Variants in STX7 observed in about 807,000 individuals in gnomAD.
The protein encoded by STX7 is syntaxin 7, also known as syntaxin-7.
STX7 carries 34 observed loss-of-function variants against 39.6 expected under a neutral mutation model. The observed-to-expected ratio is 0.86, with a 90% confidence interval of 0.65 to 1.14. The LOEUF (loss-of-function observed/expected upper bound fraction) is 1.14, where lower values mean the gene tolerates loss of function less well. Ranked by LOEUF, STX7 falls within the 50% of genes most tolerant of loss-of-function variation. The pLI, the probability that STX7 is intolerant of heterozygous loss-of-function variation, is 0.00. For missense variants in STX7, 284 were observed against 310.4 expected (o/e 0.92, Z 0.64); for synonymous variants, 119 against 99.1 (o/e 1.20, Z -1.19).
intron 9 of STX7, chr6:132,461,859 T>A: frequency 6.5e-7 from 1 of 1,540,970 alleles, no homozygotes; most frequent in East Asian, 2.5e-5. Flanking sequence ...GGAATCCTTT[T>A]TCTTACAAAG....
intron 2 of STX7, among the ~76,000 whole-genome samples, chr6:132,494,998 C>A (rs1300784582): frequency 6.6e-6 from 1 of 152,110 alleles, no homozygotes; most frequent in Non-Finnish European, 1.5e-5. Flanking sequence ...CCGGTAGAAC[C>A]ACTAAGATTT....
rs1423221256 is a variant in STX7 at position 132,454,044 on chromosome 6, T to C, written c.*6714A>G. The C allele has an allele frequency of 6.6e-6, 1 of 150,618 alleles. No homozygotes were observed. The highest frequency in any genetic ancestry group is 2.4e-5 in the African/African-American group (1 of 41,302). 9.3% of individuals were successfully genotyped at this position (150,618 alleles called of 1,614,324 possible). ...CCAATGTCTCTCAGCAGGTGAACAGTTAAACAAACTGTGGTACATCTATAC... is the reference window on the plus strand; with the variant it reads ...CCAATGTCTCTCAGCAGGTGAACAGCTAAACAAACTGTGGTACATCTATAC... On this transcript the variant is annotated 3_prime_UTR_variant, in exon 10 of 10. Transcript: ENST00000367941.
At chr6:132,513,238 GCAA>G (rs1444283454), upstream of STX7, 3 of 152,302 alleles carry the variant, frequency 2.0e-5, no homozygotes, top group Non-Finnish European at 4.4e-5. Context: ...GGGGGTATCA[GCAA>G]AATTGCAAGG....
intron 2 of STX7, among the ~76,000 whole-genome samples, chr6:132,482,410 T>G (rs1187274025): frequency 6.6e-6 from 1 of 152,110 alleles, no homozygotes. Context: ...AAATCAAATT[T>G]GGAAAAAATA....
At position 132,460,858 on chromosome 6, in the gene STX7, C is replaced by A. The variant is rs537974863; in HGVS notation, c.694-8G>T. On this transcript the variant is annotated splice_region_variant and splice_polypyrimidine_tract_variant and intron_variant, in intron 9 of 9. Coordinates refer to ENST00000367941, the MANE Select transcript of STX7 (RefSeq NM_003569.3). ...GGTTTTTCTGGATTTGCGCTGCAGACGCAAAAAACAAAACAAAACAAAAAA... is the reference window on the plus strand; with the variant it reads ...GGTTTTTCTGGATTTGCGCTGCAGAAGCAAAAAACAAAACAAAACAAAAAA... 1 of 1,608,704 alleles carries A rather than the reference C, an allele frequency of 6.2e-7. No homozygotes were observed. The highest frequency in any genetic ancestry group is 1.1e-5 in the South Asian group (1 of 90,232).
intron 2 of STX7, among the ~76,000 whole-genome samples, chr6:132,482,458 G>A (rs967854427): frequency 3.9e-5 from 6 of 152,184 alleles, no homozygotes; most frequent in Non-Finnish European, 7.4e-5. Flanking sequence ...TATAAACAAA[G>A]AAGTTGAGAA....
rs1448259200 is a variant in STX7, at chr6:132,450,517, C to T, written c.*10241G>A. 3 of 132,310 alleles carry T rather than the reference C, an allele frequency of 2.3e-5. No individual in the cohort carries two copies. The highest frequency in any genetic ancestry group is 5.3e-5 in the African/African-American group (2 of 37,388). 8.2% of individuals were successfully genotyped at this position (132,310 alleles called of 1,614,324 possible). On this transcript the variant is annotated 3_prime_UTR_variant, in exon 10 of 10. Coordinates refer to ENST00000367941, the MANE Select transcript of STX7 (RefSeq NM_003569.3). ...AGACCAACTTTTGTTTAAATTGATC[C>T]TCTCAAAAAAAAAAAAATTGATACT... is the stretch of plus-strand genomic sequence containing the variant.
chr6:132,499,432 T>C (rs1775496720), intron 2 of STX7, among the ~76,000 whole-genome samples: 1 of 152,170 alleles, frequency 6.6e-6, no homozygotes, highest in South Asian at 2.1e-4. Context: ...CTCTTTAAAA[T>C]GGAAAGAGTG....
intron 1 of STX7, among the ~76,000 whole-genome samples, chr6:132,508,235 T>C (rs1430208580): frequency 6.6e-6 from 1 of 151,954 alleles, no homozygotes; most frequent in Non-Finnish European, 1.5e-5. Flanking sequence ...CCATAAAGAG[T>C]TCCATCAAGT....
chr6:132,463,676 AGGTTTCTG>A (rs1774479221), intron 9 of STX7, among the ~76,000 whole-genome samples: 1 of 152,220 alleles, frequency 6.6e-6, no homozygotes, highest in Non-Finnish European at 1.5e-5. Context: ...TATCACAAAA[AGGTTTCTG>A]GGTAGAAATG....
At position 132,501,962 on chromosome 6, in the gene STX7, G is replaced by A. The variant is rs1157926996; in HGVS notation, c.85+1484C>T. ...GCCAGAGGAGCAAAGCAGAGCCAAC[G>A]CCGGTGGCCTGTGACAAACTGCAGC... On this transcript the variant is annotated intron_variant, in intron 2 of 9. Coordinates refer to ENST00000367941, the MANE Select transcript of STX7 (RefSeq NM_003569.3). 2.0e-5 allele frequency among the ~76,000 whole-genome samples: 3 copies of A among 152,046 alleles called. No homozygotes were observed. In the East Asian group the frequency reaches 5.8e-4, roughly 29 times the overall value.
At chr6:132,474,329 TA>T (rs1430873569) in intron 3 of STX7, among the ~76,000 whole-genome samples, 2 of 152,100 alleles carry the variant, frequency 1.3e-5, no homozygotes, top group Non-Finnish European at 1.5e-5. Context: ...ATGAATTATG[TA>T]CTTCTATTCC....
rs145654767 is a variant in STX7, at chr6:132,472,305, G to A, written c.226C>T (p.Leu76=). 648 of 1,613,278 alleles carry A rather than the reference G, an allele frequency of 4.0e-4. 10 individuals are homozygous for A. The East Asian group carries it at 0.014, about 35-fold the overall frequency. The change falls in exon 4 of 10, where the codon CTG becomes TTG. Residue 76 remains leucine, a synonymous_variant. Coordinates refer to ENST00000367941, the MANE Select transcript of STX7 (RefSeq NM_003569.3). ...ACCTGTTCACTGGGGGTGGTGGGCA[G>A]AGATCCAAACTCTTTAATGTACTTA... ...TDKYIKEFGS[L]PTTPSEQRQR...
intron 5 of STX7, 28 bp from the exon 6 acceptor site, chr6:132,470,654 GA>G: frequency 6.3e-7 from 1 of 1,577,140 alleles, no homozygotes; most frequent in Non-Finnish European, 8.7e-7. Context: ...AGGATGGAAT[GA>G]GAAGGGGCAA....
At chr6:132,502,207 G>A (rs1775581704) in intron 2 of STX7, among the ~76,000 whole-genome samples, 1 of 152,174 alleles carries the variant, frequency 6.6e-6, no homozygotes. Context: ...AATAATTCAG[G>A]TAGAGGAACA....
chr6:132,498,464 G>GTTTA (rs10638015), intron 2 of STX7, among the ~76,000 whole-genome samples: 132,768 of 151,790 alleles, frequency 0.87, 58,170 homozygotes, highest in Middle Eastern at 0.98. Flanking sequence ...TTTTATAAGT[G>GTTTA]TTTATTTCAT....
At chr6:132,466,440 T>C (rs1774567139) in intron 8 of STX7, among the ~76,000 whole-genome samples, 1 of 152,222 alleles carries the variant, frequency 6.6e-6, no homozygotes, top group African/African-American at 2.4e-5. Context: ...ATAAGCTTTG[T>C]GGGTTGTATG....
At chr6:132,513,379 C>T (rs3813356), upstream of STX7, among the ~76,000 whole-genome samples, 56,789 of 152,148 alleles carry the variant, frequency 0.37, 11,355 homozygotes, top group Middle Eastern at 0.48. Flanking sequence ...CGGGTCTTCA[C>T]CCCGCCCCAT....
intron 2 of STX7, among the ~76,000 whole-genome samples, chr6:132,488,883 T>G (rs1011980255): frequency 4.6e-5 from 7 of 152,074 alleles, no homozygotes; most frequent in Non-Finnish European, 1.0e-4. Flanking sequence ...TCTAGCTTTG[T>G]TAGAGGGTGG....
Sources: gnomAD v4.1 joint callset for allele counts (sites outside exome capture counted in the v4.1 genomes callset) on GRCh38, gnomAD v4.1.1 for gene constraint, MANE v1.5 for transcripts, NCBI Gene and HGNC (gene_info 2026-07-23, HGNC 2026-07-21) for gene names.